The following ILDR1 variants were observed in gnomAD, a reference collection of about 807,000 sequenced individuals.
ILDR1 encodes immunoglobulin like domain containing receptor 1.
A neutral mutation model predicts 62.4 loss-of-function variants in ILDR1; 56 were observed. The ratio of observed to expected loss-of-function variants is 0.90; its 90% CI spans 0.72 to 1.12. The LOEUF (loss-of-function observed/expected upper bound fraction) is 1.12, where lower values mean the gene tolerates loss of function less well. Ranked by LOEUF, ILDR1 falls within the 50% of genes most tolerant of loss-of-function variation. The pLI, the probability that ILDR1 is intolerant of heterozygous loss-of-function variation, is 0.00. For synonymous variants in ILDR1, 284 were observed against 277.8 expected, an observed-to-expected ratio of 1.02 and a Z score of -0.22; for missense variants, 736 against 710.6, an observed-to-expected ratio of 1.04 and a Z score of -0.41.
At chr3:122,025,745 A>C (rs1412127438), upstream of ILDR1, among the ~76,000 whole-genome samples, 2 of 152,206 alleles carry the variant, frequency 1.3e-5, no homozygotes, top group African/African-American at 4.8e-5. Context: ...GTAGACATAC[A>C]GGGAAAAGAA....
chr3:121,993,895 A>G lies in ILDR1; in HGVS notation c.854T>C (p.Val285Ala). Residue 285 changes from valine to alanine, a missense_variant, in exon 7 of 8, where the codon GTC becomes GCC. Val to Ala is a moderately conservative substitution (Grantham distance 64). Coordinates refer to ENST00000344209, the MANE Select transcript of ILDR1 (RefSeq NM_001199799.2). ...TTNQPPIANG[V>A]LEYLEKELRN... The stretch of plus-strand genomic sequence containing the variant: ...CAGTTCTTTCTCCAAATACTCCAGG[A>G]CACCATTGGCGATGGGAGGCTGATT... The G allele has an allele frequency of 6.2e-7, 1 of 1,613,932 alleles. No individual in the cohort carries two copies. Among genetic ancestry groups the G allele is most frequent in the Non-Finnish European group, 8.5e-7 (1 of 1,180,020 alleles).
chr3:122,023,103 T>C (rs773186753), upstream of ILDR1, among the ~76,000 whole-genome samples: 10 of 150,976 alleles, frequency 6.6e-5, no homozygotes, highest in Non-Finnish European at 1.0e-4. Context: ...ACTGTTCAAG[T>C]AGGTATATTT....
At chr3:122,006,869 G>T in intron 2 of ILDR1, 122 bp downstream of exon 2, 1 of 1,034,504 alleles carries the variant, frequency 9.7e-7, no homozygotes. Flanking sequence ...TACATTAGGT[G>T]ATCTTTGTGT....
At chr3:122,029,512 A>T in the ILDR1 span, among the ~76,000 whole-genome samples, 2 of 108,014 alleles carry the variant, frequency 1.9e-5, no homozygotes. Context: ...TCTAAAAAAA[A>T]TATATATATA....
chr3:122,002,002 T>A, intron 3 of ILDR1, 138 bp from the exon 4 acceptor site: 1 of 994,128 alleles, frequency 1.0e-6, no homozygotes, highest in Non-Finnish European at 1.5e-6. Flanking sequence ...TATCCAGCCA[T>A]GGTGGCATGT....
Position 121,993,415 on chromosome 3 carries a change from T to C in ILDR1, c.1334A>G (p.Glu445Gly), listed in dbSNP as rs771171871. 1 of 1,613,864 alleles carries C rather than the reference T, an allele frequency of 6.2e-7. No homozygotes were observed. The highest frequency in any genetic ancestry group is 1.1e-5 in the South Asian group (1 of 91,068). ...SHPPFRSRCQ[E>G]RPRRPSPRES... ...CCGGGGGCTGGGCCTGCGGGGCCTC[T>C]CCTGACAGCGGCTCCTGAAAGGAGG... Residue 445 changes from glutamate to glycine, a missense_variant, in exon 7 of 8, where the codon GAG becomes GGG. Coordinates refer to ENST00000344209, the MANE Select transcript of ILDR1 (RefSeq NM_001199799.2).
In ILDR1 at chr3:121,989,057, A is replaced by C. The variant is rs76456968; in HGVS notation, c.1600-649T>G. Among the ~76,000 whole-genome samples the C allele has an allele frequency of 5.8e-3, 886 of 152,292 alleles. 17 individuals carry two copies. The highest frequency in any genetic ancestry group is 0.02 in the African/African-American group (851 of 41,548). ...GGATCATTTTATTTAAGTTTTGAAT[A>C]CTTATACTTGTGGTCCATGAATGTA... On this transcript the variant is annotated intron_variant, in intron 7 of 7. Transcript: ENST00000344209.
intron 7 of ILDR1, among the ~76,000 whole-genome samples, chr3:121,992,494 G>A (rs533977812): frequency 6.6e-6 from 1 of 152,304 alleles, no homozygotes; most frequent in African/African-American, 2.4e-5. Context: ...GTTTCTAGGG[G>A]CCCTAAAGGC....
the ILDR1 span, among the ~76,000 whole-genome samples, chr3:122,048,706 G>T: frequency 6.6e-6 from 1 of 152,100 alleles, no homozygotes; most frequent in Admixed American, 6.5e-5. Context: ...CAATTTGTTG[G>T]AACGTAAGTG....
At chr3:122,047,231 G>C in the ILDR1 span, among the ~76,000 whole-genome samples, 14 of 151,880 alleles carry the variant, frequency 9.2e-5, no homozygotes, top group Middle Eastern at 6.8e-3. Context: ...TAGGCTGCTC[G>C]GGGGTCAGGG....
At position 122,005,468 on chromosome 3, in the gene ILDR1, G is replaced by A. The variant is rs866590204; in HGVS notation, c.230-75C>T. On this transcript the variant is annotated intron_variant, in intron 2 of 7. Transcript: ENST00000344209. Reference sequence around the variant, plus strand: ...AAAAAAAAGGTTCCCTTCCTGCTCCGGGCGTGAGACACAGTGAAGTGTCTC... The same window carrying A: ...AAAAAAAAGGTTCCCTTCCTGCTCCAGGCGTGAGACACAGTGAAGTGTCTC... The A allele has an allele frequency of 2.0e-5, 30 of 1,536,380 alleles. No homozygotes were observed. In the East Asian group the frequency reaches 2.9e-4, roughly 15 times the overall value.
At chr3:122,057,402 C>T in the ILDR1 span, among the ~76,000 whole-genome samples, 1 of 151,912 alleles carries the variant, frequency 6.6e-6, no homozygotes, top group Non-Finnish European at 1.5e-5. Context: ...AATGGAATAC[C>T]ATGTAATTAT....
the ILDR1 span, chr3:122,055,592 T>A: frequency 8.3e-7 from 1 of 1,207,776 alleles, no homozygotes; most frequent in East Asian, 2.3e-5. Context: ...TTGATGTGTG[T>A]CCTTCACTTA....
chr3:122,017,523 C>T (rs1279876770), intron 1 of ILDR1, among the ~76,000 whole-genome samples: 1 of 152,190 alleles, frequency 6.6e-6, no homozygotes, highest in Non-Finnish European at 1.5e-5. Context: ...TTTAGTTAGA[C>T]ATCCAGGAAG....
At position 121,993,836 on chromosome 3, in the gene ILDR1, C is replaced by T; in HGVS notation, c.913G>A (p.Asp305Asn). 6.2e-7 allele frequency: 1 copy of T among 1,614,124 alleles called. No individual in the cohort carries two copies. The highest frequency in any genetic ancestry group is 8.5e-7 in the Non-Finnish European group (1 of 1,180,014). Residue 305 changes from aspartate (D) to asparagine (N), a missense_variant, in exon 7 of 8, where the codon GAC (aspartate) becomes AAC (asparagine). Transcript: ENST00000344209. The part of the protein sequence containing the change: ...NLNLAQPLPP[D>N]LKGRFGHPCS... Reference sequence around the variant, plus strand: ...GGATGGCCAAATCTGCCTTTGAGGTCAGGGGGCAGAGGCTGGGCCAGGTTG... The same window carrying T: ...GGATGGCCAAATCTGCCTTTGAGGTTAGGGGGCAGAGGCTGGGCCAGGTTG...
chr3:122,026,711 A>G (rs561107517), upstream of ILDR1, among the ~76,000 whole-genome samples: 37 of 150,882 alleles, frequency 2.5e-4, no homozygotes, highest in African/African-American at 9.2e-4. Flanking sequence ...CTAGAACAAA[A>G]CAATCTGGAG....
chr3:122,047,071 T>C, the ILDR1 span, among the ~76,000 whole-genome samples: 1 of 145,996 alleles, frequency 6.8e-6, no homozygotes. Context: ...TGGTCTTTGA[T>C]GATGGTGATG....
At chr3:121,990,732 A>C (rs558710450) in intron 7 of ILDR1, among the ~76,000 whole-genome samples, 1 of 152,128 alleles carries the variant, frequency 6.6e-6, no homozygotes, top group South Asian at 2.1e-4. Flanking sequence ...CTACGGGTAC[A>C]TGCCACTGCA....
chr3:122,008,931 TTTC>T (rs1280754600), intron 1 of ILDR1, among the ~76,000 whole-genome samples: 1 of 150,674 alleles, frequency 6.6e-6, no homozygotes, highest in Non-Finnish European at 1.5e-5. Context: ...TCTTTCTTTC[TTTC>T]TTTTTTTCTT....
Sources: allele counts gnomAD v4.1 joint callset (sites outside exome capture counted in the v4.1 genomes callset), GRCh38; gene constraint gnomAD v4.1.1; transcripts MANE v1.5; gene names NCBI Gene and HGNC (gene_info 2026-07-23, HGNC 2026-07-21).